AFAP1: variants seen among roughly 807,000 people sequenced by gnomAD.
AFAP1 encodes the protein actin filament associated protein 1, also known as actin filament-associated protein 1.
A neutral mutation model predicts 93.9 loss-of-function variants in AFAP1; 75 were observed. The ratio of observed to expected loss-of-function variants is 0.80; its 90% CI spans 0.66 to 0.97. The LOEUF (loss-of-function observed/expected upper bound fraction) is 0.97. Among genes scored for constraint, AFAP1 ranks in the 50% least tolerant of loss-of-function variants. The pLI, the probability that AFAP1 is intolerant of heterozygous loss-of-function variation, is 0.00. For missense variants in AFAP1, 1,201 were observed against 1,050.8 expected (o/e 1.14, Z -1.98); for synonymous variants, 517 against 430.7 (o/e 1.20, Z -2.48).
Position 7,907,227 on chromosome 4 carries a change from G to A in AFAP1, c.-3+32429C>T, listed in dbSNP as rs993890772. Among the ~76,000 whole-genome samples the A allele has an allele frequency of 3.3e-5, 5 of 152,112 alleles. No individual in the cohort carries two copies. The South Asian group carries it at 6.2e-4, about 19-fold the overall frequency. ...TAACAATGCTTTTGCTAAAACAGAG[G>A]AAAATTTATAGGACCACTTACCCCT... On this transcript the variant is annotated intron_variant, in intron 1 of 17. Coordinates refer to ENST00000420658, the MANE Select transcript of AFAP1 (RefSeq NM_001134647.2).
At chr4:7,883,368 A>T (rs1717962150) in intron 1 of AFAP1, among the ~76,000 whole-genome samples, 1 of 152,150 alleles carries the variant, frequency 6.6e-6, no homozygotes, top group African/African-American at 2.4e-5. Flanking sequence ...TGGAATTGAT[A>T]GGCACTTAAC....
At chr4:7,798,541 G>T (rs1269852192) in intron 10 of AFAP1, among the ~76,000 whole-genome samples, 1 of 152,232 alleles carries the variant, frequency 6.6e-6, no homozygotes, top group Non-Finnish European at 1.5e-5. Flanking sequence ...GAAGGCTGTA[G>T]ATGTTTATGT....
chr4:7,875,323 G>A (rs546358635), intron 1 of AFAP1, among the ~76,000 whole-genome samples: 1 of 151,878 alleles, frequency 6.6e-6, no homozygotes, highest in Non-Finnish European at 1.5e-5. Context: ...TTAAGTAGGT[G>A]GATGTGGCAC....
chr4:7,787,084 C>T (rs910537165), intron 11 of AFAP1, among the ~76,000 whole-genome samples: 2 of 152,234 alleles, frequency 1.3e-5, no homozygotes, highest in South Asian at 2.1e-4. Flanking sequence ...CTGGTCAGGG[C>T]TCCTAAAACT....
intron 1 of AFAP1, among the ~76,000 whole-genome samples, chr4:7,915,370 T>G (rs554033623): frequency 6.9e-6 from 1 of 145,110 alleles, no homozygotes; most frequent in Non-Finnish European, 1.5e-5. Flanking sequence ...AAACGTCTGT[T>G]CGGTTGGGTG....
chr4:7,831,354 G>A (rs545250353), intron 6 of AFAP1, among the ~76,000 whole-genome samples: 3 of 147,284 alleles, frequency 2.0e-5, no homozygotes, highest in African/African-American at 5.1e-5. Context: ...ACTTTACCCC[G>A]TATTATTTAC....
chr4:7,869,740 T>C (rs943011574), intron 2 of AFAP1, among the ~76,000 whole-genome samples: 1 of 152,060 alleles, frequency 6.6e-6, no homozygotes, highest in African/African-American at 2.4e-5. Context: ...AGGCCAGGCA[T>C]TGAAACATGA....
intron 9 of AFAP1, 25 bp downstream of exon 9, chr4:7,809,589 T>C (rs1560172528): frequency 1.2e-6 from 2 of 1,604,196 alleles, no homozygotes; most frequent in Non-Finnish European, 1.7e-6. Flanking sequence ...TGCACGCTGC[T>C]CGTCTCCGGG....
At chr4:7,810,344 CTTAAG>C (rs1213654248) in intron 8 of AFAP1, among the ~76,000 whole-genome samples, 9 of 152,186 alleles carry the variant, frequency 5.9e-5, no homozygotes, top group Non-Finnish European at 1.2e-4. Context: ...CAGGAGTTGA[CTTAAG>C]TTAATAATTA....
rs151292266 is a variant in AFAP1, at chr4:7,809,682, C to G, written c.986G>C (p.Ser329Thr). ...VTGKKITKIISLGKKKPSTDE... is the reference protein window; with the variant it reads ...VTGKKITKIITLGKKKPSTDE... The stretch of plus-strand genomic sequence containing the variant: ...TGTGGACGGCTTTTTCTTTCCCAGA[C>G]TGATGATCTTGGTGATTTTTTTCCC... Residue 329 changes from serine to threonine, a missense_variant, in exon 9 of 18, where the codon AGT becomes ACT. Coordinates refer to ENST00000420658, the MANE Select transcript of AFAP1 (RefSeq NM_001134647.2). 6.2e-7 allele frequency: 1 copy of G among 1,614,070 alleles called. No homozygotes were observed. Among genetic ancestry groups the G allele is most frequent in the African/African-American group, 1.3e-5 (1 of 74,924 alleles).
chr4:7,902,088 C>G (rs374547949), intron 1 of AFAP1, among the ~76,000 whole-genome samples: 1 of 152,280 alleles, frequency 6.6e-6, no homozygotes, highest in Middle Eastern at 3.4e-3. Context: ...GAGCAAATAA[C>G]CTGCCATGAT....
chr4:7,828,804 C>A (rs1406762606), intron 6 of AFAP1, among the ~76,000 whole-genome samples: 1 of 152,198 alleles, frequency 6.6e-6, no homozygotes, highest in Non-Finnish European at 1.5e-5. Flanking sequence ...CAGTGCCTAA[C>A]AGCTAGGGCT....
At chr4:7,824,247 A>C (rs535393166) in intron 6 of AFAP1, among the ~76,000 whole-genome samples, 1 of 152,342 alleles carries the variant, frequency 6.6e-6, no homozygotes, top group Middle Eastern at 3.4e-3. Flanking sequence ...AATCCTCCAA[A>C]AAAACAAATT....
chr4:7,871,448 G>T (rs150907128), intron 2 of AFAP1, among the ~76,000 whole-genome samples: 1 of 152,222 alleles, frequency 6.6e-6, no homozygotes, highest in Non-Finnish European at 1.5e-5. Context: ...CCGAGTCTCT[G>T]ATGAGCCTGA....
chr4:7,847,935 C>G (rs1364020089), intron 4 of AFAP1, among the ~76,000 whole-genome samples: 6 of 151,736 alleles, frequency 4.0e-5, no homozygotes, highest in Admixed American at 3.9e-4. Flanking sequence ...AGGAAATGCT[C>G]TTTGTATCAG....
chr4:7,769,380 C>T (rs1715086144), intron 16 of AFAP1, among the ~76,000 whole-genome samples: 1 of 152,194 alleles, frequency 6.6e-6, no homozygotes, highest in African/African-American at 2.4e-5. Flanking sequence ...TTGAGCTTTT[C>T]TGGGGTCAGC....
rs769820127 is a variant in AFAP1, at chr4:7,768,961, G to A, written c.2301C>T (p.Ser767=). The change falls in exon 17 of 18, where the codon AGC becomes AGT. Residue 767 remains serine, a synonymous_variant. Coordinates refer to ENST00000420658, the MANE Select transcript of AFAP1 (RefSeq NM_001134647.2). ...GGCCCTCGGTGTCACTGGTGTCACA[G>A]CTGGAGATGGGCGAGTTTTCCAGGG... ...HRTLENSPIS[S]CDTSDTEGPV... is the part of the protein sequence containing the mutation. 17 of 1,613,780 alleles carry A rather than the reference G, an allele frequency of 1.1e-5. No homozygotes were observed. The highest frequency in any genetic ancestry group is 1.3e-5 in the Non-Finnish European group (15 of 1,179,770).
intron 4 of AFAP1, among the ~76,000 whole-genome samples, chr4:7,854,266 T>C (rs563886849): frequency 7.2e-5 from 11 of 152,206 alleles, no homozygotes; most frequent in African/African-American, 2.2e-4. Context: ...ATGACCACCT[T>C]ATCAGAACTA....
chr4:7,836,503 G>A (rs574662499), intron 6 of AFAP1, among the ~76,000 whole-genome samples: 9 of 152,346 alleles, frequency 5.9e-5, no homozygotes, highest in African/African-American at 1.4e-4. Context: ...CTGGAGTACA[G>A]TGGCGCAGTC....
Sources: gnomAD v4.1 joint callset for allele counts (sites outside exome capture counted in the v4.1 genomes callset) on GRCh38, gnomAD v4.1.1 for gene constraint, MANE v1.5 for transcripts, NCBI Gene and HGNC (gene_info 2026-07-23, HGNC 2026-07-21) for gene names.